Variants in NOTCH2NLC observed in about 807,000 individuals in gnomAD.
NOTCH2NLC encodes notch 2 N-terminal like C.
In NOTCH2NLC, 4 loss-of-function variants were observed where a neutral mutation model predicts 17.7. That is an observed-to-expected ratio of 0.23 (90% CI 0.11 to 0.52). The LOEUF (loss-of-function observed/expected upper bound fraction) is 0.52. NOTCH2NLC is among the 20% of genes least tolerant of loss of function. The probability of loss-of-function intolerance (pLI) is 0.96; values close to 1 mark genes in which losing one functional copy is unlikely to be tolerated. For synonymous variants in NOTCH2NLC, 18 were observed against 86.0 expected (o/e 0.21, Z 4.38); for missense variants, 57 against 207.2 (o/e 0.28, Z 4.45).
chr1:149,390,808 C>CGGCGGCGGCGGCGGT lies in NOTCH2NLC; in HGVS notation c.35_36insTGGCGGCGGCGGCGG (p.Gly14_Gly18dup). On this transcript the variant is annotated inframe_insertion, in exon 1 of 5. Coordinates refer to ENST00000650865, the MANE Select transcript of NOTCH2NLC (RefSeq NM_001364013.2). ...TCCCCATGTGGATCTGCCCAGGCGG[C>CGGCGGCGGCGGCGGT]GGCGGCGGCGGCGGCGGCGGCGGAG... 1 of 1,267,816 alleles carries CGGCGGCGGCGGCGGT rather than the reference C, an allele frequency of 7.9e-7. No individual in the cohort carries two copies. The highest frequency in any genetic ancestry group is 1.0e-6 in the Non-Finnish European group (1 of 1,003,656). The allele number at this position is 1,267,816 out of a possible 1,614,324, so 78.5% of individuals were successfully genotyped here. A position where few individuals can be genotyped will look rare whatever the true frequency, so the allele number is the denominator to read the frequency against.
chr1:149,448,485 C>T (rs2084567697), intron 2 of NOTCH2NLC, among the ~76,000 whole-genome samples: 3 of 112,486 alleles, frequency 2.7e-5, no homozygotes, highest in African/African-American at 1.0e-4. Flanking sequence ...ACTAGTAGTT[C>T]ATGTGAAATA....
In NOTCH2NLC at chr1:149,469,891, A is replaced by G. The variant is rs1331787782; in HGVS notation, c.*5738A>G. Among the ~76,000 whole-genome samples the G allele has an allele frequency of 3.0e-4, 44 of 148,460 alleles. No individual in the cohort carries two copies. Among genetic ancestry groups the G allele is most frequent in the African/African-American group, 1.1e-3 (43 of 40,584 alleles). ...TAAGAAGTGCCTTGTAACTTTTCATATAGCCTTTCCCCTACTTTGGGTAGA... is the reference window on the plus strand; with the variant it reads ...TAAGAAGTGCCTTGTAACTTTTCATGTAGCCTTTCCCCTACTTTGGGTAGA... On this transcript the variant is annotated 3_prime_UTR_variant, in exon 5 of 5. Transcript: ENST00000650865.
In NOTCH2NLC at chr1:149,409,385, C is replaced by A. The variant is rs1375400883; in HGVS notation, c.135+18463C>A. 9.5e-4 allele frequency among the ~76,000 whole-genome samples: 143 copies of A among 150,204 alleles called. 1 individual carries two copies. Among genetic ancestry groups the A allele is most frequent in the African/African-American group, 3.4e-3 (138 of 41,002 alleles). On this transcript the variant is annotated intron_variant, in intron 1 of 4. Coordinates refer to ENST00000650865, the MANE Select transcript of NOTCH2NLC (RefSeq NM_001364013.2). Reference sequence around the variant, plus strand: ...GGAATAGACCTTGGAATTGTTTTTTCAAAACTTTTTTTATAATAGTGCTTA... The same window carrying A: ...GGAATAGACCTTGGAATTGTTTTTTAAAAACTTTTTTTATAATAGTGCTTA...
intron 1 of NOTCH2NLC, among the ~76,000 whole-genome samples, chr1:149,394,994 T>G (rs1425016075): frequency 1.4e-5 from 2 of 147,590 alleles, no homozygotes; most frequent in African/African-American, 2.5e-5. Flanking sequence ...TCCTCCATTT[T>G]CTGATGTTCA....
At chr1:149,421,425 G>A (rs1410303398) in intron 1 of NOTCH2NLC, among the ~76,000 whole-genome samples, 1 of 147,740 alleles carries the variant, frequency 6.8e-6, no homozygotes, top group Non-Finnish European at 1.5e-5. Flanking sequence ...CGTGAACCCA[G>A]GAGGAGGAGC....
At chr1:149,400,276 CCT>C (rs1340446755) in intron 1 of NOTCH2NLC, among the ~76,000 whole-genome samples, 28 of 133,556 alleles carry the variant, frequency 2.1e-4, no homozygotes, top group African/African-American at 6.8e-4. Flanking sequence ...TCTTAATATG[CCT>C]CTCTCATTAC....
chr1:149,429,253 C>T (rs1381260258), intron 1 of NOTCH2NLC, among the ~76,000 whole-genome samples: 1 of 150,760 alleles, frequency 6.6e-6, no homozygotes, highest in African/African-American at 2.4e-5. Flanking sequence ...TGGTGCGATG[C>T]CCCATAAAGA....
At chr1:149,460,755 C>T (rs2084639866) in intron 3 of NOTCH2NLC, among the ~76,000 whole-genome samples, 1 of 148,990 alleles carries the variant, frequency 6.7e-6, no homozygotes, top group African/African-American at 2.5e-5. Flanking sequence ...CTTACTAGCT[C>T]ATCTCCACTC....
At chr1:149,433,834 G>T (rs1269671300) in intron 2 of NOTCH2NLC, among the ~76,000 whole-genome samples, 1 of 150,770 alleles carries the variant, frequency 6.6e-6, no homozygotes, top group Non-Finnish European at 1.5e-5. Context: ...TGTAATCCCA[G>T]TTACTCGGGA....
chr1:149,429,758 G>T (rs1315514616), intron 1 of NOTCH2NLC, among the ~76,000 whole-genome samples: 2 of 151,230 alleles, frequency 1.3e-5, no homozygotes, highest in African/African-American at 4.8e-5. Context: ...CGTGGCCAGG[G>T]ATGGCCAGGC....
intron 3 of NOTCH2NLC, among the ~76,000 whole-genome samples, chr1:149,457,531 A>T (rs1238930971): frequency 4.2e-5 from 6 of 143,568 alleles, no homozygotes; most frequent in Non-Finnish European, 7.7e-5. Context: ...ATATATATAT[A>T]TTGGCAATCT....
intron 3 of NOTCH2NLC, among the ~76,000 whole-genome samples, chr1:149,461,768 G>T (rs1306766162): frequency 1.3e-5 from 2 of 150,856 alleles, no homozygotes; most frequent in African/African-American, 2.4e-5. Flanking sequence ...TTAAGAAAAT[G>T]TGGCACATAT....
intron 1 of NOTCH2NLC, 107 bp from the exon 2 acceptor site, chr1:149,430,835 G>T: frequency 3.2e-6 from 1 of 314,498 alleles, no homozygotes. Context: ...CCCAGATTAG[G>T]TGGGAATGAA....
At chr1:149,457,661 A>G (rs2084621289) in intron 3 of NOTCH2NLC, among the ~76,000 whole-genome samples, 1 of 149,874 alleles carries the variant, frequency 6.7e-6, no homozygotes, top group African/African-American at 2.4e-5. Context: ...AAACCGAAGA[A>G]CTTGGGGTTC....
At chr1:149,440,011 A>G (rs1274494196) in intron 2 of NOTCH2NLC, among the ~76,000 whole-genome samples, 12 of 149,318 alleles carry the variant, frequency 8.0e-5, no homozygotes, top group South Asian at 4.2e-4. Context: ...ATTATTCAGC[A>G]AACACATTCA....
At chr1:149,412,889 G>A in intron 1 of NOTCH2NLC, among the ~76,000 whole-genome samples, 1 of 134,738 alleles carries the variant, frequency 7.4e-6, no homozygotes, top group African/African-American at 2.7e-5. Flanking sequence ...ACAAAGACAA[G>A]ATGACTGACT....
At chr1:149,449,117 G>T (rs1254023136) in intron 2 of NOTCH2NLC, among the ~76,000 whole-genome samples, 3 of 150,152 alleles carry the variant, frequency 2.0e-5, no homozygotes, top group Admixed American at 6.7e-5. Flanking sequence ...TCCTGACCTG[G>T]TGATCTGCCT....
chr1:149,400,513 T>TA (rs1326205695), intron 1 of NOTCH2NLC, among the ~76,000 whole-genome samples: 1 of 142,634 alleles, frequency 7.0e-6, no homozygotes, highest in African/African-American at 2.6e-5. Flanking sequence ...AATGTTGATA[T>TA]AAAAATTGTT....
chr1:149,460,899 CTTT>C (rs2084644550), intron 3 of NOTCH2NLC, among the ~76,000 whole-genome samples: 1 of 124,514 alleles, frequency 8.0e-6, no homozygotes, highest in African/African-American at 3.0e-5. Context: ...TTCTTTCTTT[CTTT>C]CTTTCTTTCT....
Sources: gnomAD v4.1 joint callset for allele counts (sites outside exome capture counted in the v4.1 genomes callset) on GRCh38, gnomAD v4.1.1 for gene constraint, MANE v1.5 for transcripts, NCBI Gene and HGNC (gene_info 2026-07-23, HGNC 2026-07-21) for gene names.